RALGAPA1: variants seen among roughly 807,000 people sequenced by gnomAD.
RALGAPA1 encodes ral GTPase-activating protein subunit alpha-1.
RALGAPA1 carries 52 observed loss-of-function variants against 269.6 expected under a neutral mutation model. The observed-to-expected ratio is 0.19, with a 90% CI of 0.15 to 0.24. The LOEUF (loss-of-function observed/expected upper bound fraction) is 0.24, where lower values mean the gene tolerates loss of function less well. Ranked by LOEUF, RALGAPA1 falls within the 10% of genes least tolerant of loss-of-function variation. The pLI is 1.00. For synonymous variants in RALGAPA1, 817 were observed against 1,008.3 expected (o/e 0.81, Z 3.60); for missense variants, 1,917 against 3,013.9 (o/e 0.64, Z 8.52).
At chr14:35,644,365 G>A (rs549488139) in intron 31 of RALGAPA1, among the ~76,000 whole-genome samples, 3 of 152,212 alleles carry the variant, frequency 2.0e-5, no homozygotes, top group African/African-American at 7.2e-5. Context: ...TAGGATGGAT[G>A]AACCATAGAC....
At position 35,566,784 on chromosome 14, in the gene RALGAPA1, A is replaced by T. The variant is rs144673532; in HGVS notation, c.7496+3833T>A. Reference sequence around the variant, plus strand: ...TACAAATGTCTAGTTGTAGTTTATTATATAAATGTTCATTTGAAAATCAAG... The same window carrying T: ...TACAAATGTCTAGTTGTAGTTTATTTTATAAATGTTCATTTGAAAATCAAG... On this transcript the variant is annotated intron_variant, in intron 39 of 41. Transcript: ENST00000680220. Among the ~76,000 whole-genome samples, 1,002 of 151,172 alleles carry T rather than the reference A, an allele frequency of 6.6e-3. 18 individuals are homozygous for T. The highest frequency in any genetic ancestry group is 7.6e-3 in the Non-Finnish European group (512 of 67,648).
chr14:35,602,785 C>A (rs1007475602), intron 36 of RALGAPA1, among the ~76,000 whole-genome samples: 3 of 152,100 alleles, frequency 2.0e-5, no homozygotes, highest in African/African-American at 7.2e-5. Flanking sequence ...CTTTGTTGCT[C>A]ATGATTTGTG....
intron 1 of RALGAPA1, among the ~76,000 whole-genome samples, chr14:35,792,395 G>A (rs911463862): frequency 4.6e-5 from 7 of 151,288 alleles, no homozygotes; most frequent in South Asian, 2.2e-4. Context: ...GACCTCAAGC[G>A]ATCCACCCGC....
chr14:35,610,387 A>G (rs1212480785), intron 35 of RALGAPA1, among the ~76,000 whole-genome samples: 1 of 150,748 alleles, frequency 6.6e-6, no homozygotes, highest in African/African-American at 2.4e-5. Flanking sequence ...GGTTCACACC[A>G]TTCTCCTGCC....
chr14:35,547,465 G>T lies in RALGAPA1; in HGVS notation c.*23+1043C>A, dbSNP rs574772999. Among the ~76,000 whole-genome samples the T allele has an allele frequency of 7.9e-5, 12 of 152,150 alleles. No homozygotes were observed. In the South Asian group the frequency reaches 2.1e-3, roughly 26 times the overall value. On this transcript the variant is annotated intron_variant, in intron 41 of 41. Transcript: ENST00000680220. ...TGAACAGCCTTTATCAATCTAAGGG[G>T]GAAAGTTAGTCCAAGTGTGGTTCTA...
chr14:35,689,662 G>C lies in RALGAPA1; in HGVS notation c.2749C>G (p.Pro917Ala). Residue 917 changes from proline (P) to alanine (A), a missense_variant, in exon 18 of 42, where the codon CCA becomes GCA. Physicochemically the swap from Pro to Ala is conservative, Grantham distance 27 (BLOSUM62 -1). Coordinates refer to ENST00000680220, the MANE Select transcript of RALGAPA1 (RefSeq NM_001346249.2). ...AAAGCTGAATCTGCAAGTTCTACTG[G>C]ACCTATTAAATGACAAAGATGGTCA... is the stretch of plus-strand genomic sequence containing the variant. ...IYDHLCHLIG[P>A]VELADSAFEQ... The C allele has an allele frequency of 2.3e-6, 3 of 1,317,234 alleles. No individual in the cohort carries two copies. Among genetic ancestry groups the C allele is most frequent in the Non-Finnish European group, 2.9e-6 (3 of 1,037,178 alleles). The allele number at this position is 1,317,234 out of a possible 1,614,324, so 81.6% of individuals were successfully genotyped here.
In RALGAPA1 at chr14:35,664,758, C is replaced by G. The variant is rs1047805841; in HGVS notation, c.5212G>C (p.Val1738Leu). The G allele has an allele frequency of 1.2e-6, 2 of 1,608,892 alleles. No homozygotes were observed. The highest frequency in any genetic ancestry group is 2.2e-5 in the South Asian group (2 of 89,640). The change falls in exon 27 of 42, where the codon GTA becomes CTA. Residue 1738 changes from valine to leucine, a missense_variant. Val to Leu is a conservative substitution (Grantham distance 32, BLOSUM62 1). Around this residue, in one of 11 missense-constraint regions of RALGAPA1, gnomAD observed 346 missense variants for 566.1 expected, o/e 0.61. Coordinates refer to ENST00000680220, the MANE Select transcript of RALGAPA1 (RefSeq NM_001346249.2). ...GATCCCAGAAGAACTTGTGCTTCTA[C>G]TCTTGGTGCCTATGTATCACATTTT... ...ASSAFLNAPR[V>L]EAQVLLGSLV...
intron 13 of RALGAPA1, among the ~76,000 whole-genome samples, chr14:35,727,487 C>T (rs1017729168): frequency 1.3e-5 from 2 of 151,340 alleles, no homozygotes; most frequent in Non-Finnish European, 2.9e-5. Flanking sequence ...TTATGATAAA[C>T]ATTTCATTTT....
intron 11 of RALGAPA1, among the ~76,000 whole-genome samples, chr14:35,741,939 A>C (rs1318764022): frequency 1.3e-5 from 2 of 152,240 alleles, no homozygotes. Flanking sequence ...AAAGATTCCA[A>C]GGAGGGGGCA....
At position 35,775,049 on chromosome 14, in the gene RALGAPA1, T is replaced by C. The variant is rs1311373417; in HGVS notation, c.224A>G (p.Lys75Arg). Residue 75 changes from lysine to arginine, a missense_variant, in exon 3 of 42, where the codon AAG becomes AGG. By Grantham distance (26) the Lys-to-Arg change is conservative. This residue lies in a region of RALGAPA1 where 462 missense variants were observed against 725.6 expected (regional missense o/e 0.64). Transcript: ENST00000680220. ...AGCATCCAATTCCTCTCTTTGAGACTTGTGACCTAAAACATTTTTATAAGA... is the reference window on the plus strand; with the variant it reads ...AGCATCCAATTCCTCTCTTTGAGACCTGTGACCTAAAACATTTTTATAAGA... ...IEASLKQKGH[K>R]SQREELDAIL... 2.6e-6 allele frequency: 4 copies of C among 1,541,994 alleles called. No individual in the cohort carries two copies. The East Asian group carries it at 6.8e-5, about 26-fold the overall frequency.
chr14:35,690,065 T>C, intron 17 of RALGAPA1, 62 bp from the exon 18 acceptor site: 1 of 1,203,808 alleles, frequency 8.3e-7, no homozygotes, highest in African/African-American at 1.6e-5. Flanking sequence ...TAATTATTAA[T>C]TTCAATAATG....
chr14:35,727,972 T>C (rs1437446203), intron 13 of RALGAPA1, among the ~76,000 whole-genome samples: 1 of 152,218 alleles, frequency 6.6e-6, no homozygotes, highest in Admixed American at 6.5e-5. Context: ...GGCCTGACGG[T>C]ATACAGCTCT....
chr14:35,730,103 C>T (rs1363208502), intron 12 of RALGAPA1, among the ~76,000 whole-genome samples: 1 of 152,166 alleles, frequency 6.6e-6, no homozygotes, highest in African/African-American at 2.4e-5. Flanking sequence ...CCTTCTCTCC[C>T]GAAAACACAC....
chr14:35,702,622 T>C (rs1240681519), intron 16 of RALGAPA1, among the ~76,000 whole-genome samples: 1 of 151,884 alleles, frequency 6.6e-6, no homozygotes, highest in Non-Finnish European at 1.5e-5. Flanking sequence ...CTCATTAAAA[T>C]TGGTCAGAGC....
intron 16 of RALGAPA1, among the ~76,000 whole-genome samples, chr14:35,708,512 A>G (rs1469664236): frequency 6.6e-6 from 1 of 152,344 alleles, no homozygotes; most frequent in South Asian, 2.1e-4. Flanking sequence ...GCTCTACATC[A>G]CTGATAATCA....
At chr14:35,650,811 A>C (rs2062778260) in intron 31 of RALGAPA1, among the ~76,000 whole-genome samples, 1 of 152,096 alleles carries the variant, frequency 6.6e-6, no homozygotes, top group Non-Finnish European at 1.5e-5. Context: ...TAATTCTCAG[A>C]GGAAACTAAT....
chr14:35,688,800 G>A lies in RALGAPA1; in HGVS notation c.3611C>T (p.Thr1204Ile), dbSNP rs1464902177. The change falls in exon 18 of 42, where the codon ACA (threonine) becomes ATA (isoleucine). Residue 1204 changes from threonine (T) to isoleucine (I), a missense_variant. Around this residue, in one of 11 missense-constraint regions of RALGAPA1, gnomAD observed 615 missense variants for 790.0 expected, o/e 0.78. Coordinates refer to ENST00000680220, the MANE Select transcript of RALGAPA1 (RefSeq NM_001346249.2). ...GTACACACCAGGTTTTACTAGCTCT[G>A]TAGCACTATTTGTGCTGGTATGGGT... ...SNTHTSTNSA[T>I]ELVKPGVYRP... is the part of the protein sequence containing the mutation. 1 of 1,403,664 alleles carries A rather than the reference G, an allele frequency of 7.1e-7. No homozygotes were observed. Among genetic ancestry groups the A allele is most frequent in the Non-Finnish European group, 9.2e-7 (1 of 1,083,224 alleles). 87.0% of individuals were successfully genotyped at this position (1,403,664 alleles called of 1,614,324 possible).
Position 35,599,793 on chromosome 14 carries a change from A to C in RALGAPA1, c.7054-4004T>G, listed in dbSNP as rs2059161801. Among the ~76,000 whole-genome samples, 7 of 151,832 alleles carry C rather than the reference A, an allele frequency of 4.6e-5. No homozygotes were observed. In the South Asian group the frequency reaches 1.5e-3, roughly 32 times the overall value. ...ATAAACAAACAAAAAACAGATTCTGAGTTGACAGTTCTTTTTTCTTTCAGC... is the reference window on the plus strand; with the variant it reads ...ATAAACAAACAAAAAACAGATTCTGCGTTGACAGTTCTTTTTTCTTTCAGC... On this transcript the variant is annotated intron_variant, in intron 36 of 41. Coordinates refer to ENST00000680220, the MANE Select transcript of RALGAPA1 (RefSeq NM_001346249.2).
chr14:35,699,014 T>C (rs531841721), intron 17 of RALGAPA1, among the ~76,000 whole-genome samples: 12 of 152,306 alleles, frequency 7.9e-5, no homozygotes, highest in African/African-American at 2.4e-4. Context: ...GCTTAAAATA[T>C]TCAGGTTGCC....
Sources: gnomAD v4.1 joint callset for allele counts (sites outside exome capture counted in the v4.1 genomes callset) on GRCh38, gnomAD v4.1.1 for gene constraint, gnomAD v4.1.1 regional missense constraint, MANE v1.5 for transcripts, NCBI Gene and HGNC (gene_info 2026-07-23, HGNC 2026-07-21) for gene names.